CCDC178: variants seen among roughly 807,000 people sequenced by gnomAD.
CCDC178 encodes coiled-coil domain-containing protein 178.
A neutral mutation model predicts 117.4 loss-of-function variants in CCDC178; 126 were observed. That is an observed-to-expected ratio of 1.07 (90% CI 0.93 to 1.24). The LOEUF is 1.24. Among genes scored for constraint, CCDC178 ranks in the 50% most tolerant of loss-of-function variants. The probability of loss-of-function intolerance (pLI) is 0.00; values close to 1 mark genes in which losing one functional copy is unlikely to be tolerated. For missense variants in CCDC178, 1,030 were observed against 986.9 expected, an observed-to-expected ratio of 1.04 and a Z score of -0.59; for synonymous variants, 283 against 313.4, an observed-to-expected ratio of 0.90 and a Z score of 1.02.
At chr18:33,084,851 C>T (rs2057353427) in intron 21 of CCDC178, among the ~76,000 whole-genome samples, 1 of 151,858 alleles carries the variant, frequency 6.6e-6, no homozygotes, top group African/African-American at 2.4e-5. Flanking sequence ...TTAATTTCTC[C>T]AATTCATGTG....
At chr18:33,203,654 TAA>T (rs926892152) in intron 20 of CCDC178, among the ~76,000 whole-genome samples, 5 of 152,200 alleles carry the variant, frequency 3.3e-5, no homozygotes, top group Non-Finnish European at 7.4e-5. Flanking sequence ...TTTTCAAACA[TAA>T]GTCAGGACTT....
Position 32,938,325 on chromosome 18 carries a change from A to G in CCDC178, c.2524-234T>C. ...CAACTAACTTTAAGGTAGAGAGTGA[A>G]TGAGACAATTAAATTATTCTACTGC... On this transcript the variant is annotated intron_variant, in intron 22 of 22. Transcript: ENST00000383096. 4 of 424,548 alleles carry G rather than the reference A, an allele frequency of 9.4e-6. No homozygotes were observed. The South Asian group carries it at 1.8e-4, about 20-fold the overall frequency. 26.3% of individuals were successfully genotyped at this position (424,548 alleles called of 1,614,324 possible). A position where few individuals can be genotyped will look rare whatever the true frequency, so the allele number is the denominator to read the frequency against.
chr18:33,261,430 T>C (rs1040646849), intron 14 of CCDC178, among the ~76,000 whole-genome samples: 2 of 152,200 alleles, frequency 1.3e-5, no homozygotes, highest in Non-Finnish European at 2.9e-5. Context: ...CCCCCCTCTA[T>C]TGATTTACAT....
rs887247823 is a variant in CCDC178 at position 32,980,455 on chromosome 18, C to T, written c.2389-5774G>A. ...GCGCAGTGGCGGGCGCCTGTAGTCC[C>T]AGCTACTCGGGAGGCTGAAGCAGGA... On this transcript the variant is annotated intron_variant, in intron 21 of 22. Transcript: ENST00000383096. Among the ~76,000 whole-genome samples, 57 of 151,644 alleles carry T rather than the reference C, an allele frequency of 3.8e-4. No individual in the cohort carries two copies. In the East Asian group the frequency reaches 0.011, roughly 28 times the overall value.
intron 10 of CCDC178, among the ~76,000 whole-genome samples, chr18:33,331,027 T>TTTTTTTTTA (rs1491170992): frequency 1.0e-5 from 1 of 100,104 alleles, no homozygotes; most frequent in Non-Finnish European, 2.0e-5. Context: ...CAAACATTGC[T>TTTTTTTTTA]TTTTTTTTTT....
At chr18:33,200,936 T>A (rs2058983962) in intron 20 of CCDC178, among the ~76,000 whole-genome samples, 1 of 152,202 alleles carries the variant, frequency 6.6e-6, no homozygotes, top group African/African-American at 2.4e-5. Context: ...CATCGATGAA[T>A]GAATGAACAA....
rs1447482756 is a variant in CCDC178, at chr18:33,333,186, T to C, written c.867A>G (p.Lys289=). The change falls in exon 10 of 23, where the codon AAA becomes AAG. Residue 289 remains lysine, a synonymous_variant. Transcript: ENST00000383096. ...QELQDLKNHY[K]KKMEVMDLHR... The stretch of plus-strand genomic sequence containing the variant: ...TTCGTTTATTTACCTCCATTTTTTT[T>C]TTATAATGGTTCTTCAGATCTTGAA... 1 of 1,588,274 alleles carries C rather than the reference T, an allele frequency of 6.3e-7. No homozygotes were observed. The highest frequency in any genetic ancestry group is 8.6e-7 in the Non-Finnish European group (1 of 1,167,728).
At chr18:33,238,184 G>T (rs1358290803) in intron 15 of CCDC178, among the ~76,000 whole-genome samples, 1 of 152,038 alleles carries the variant, frequency 6.6e-6, no homozygotes, top group African/African-American at 2.4e-5. Flanking sequence ...CCATAAAATC[G>T]GAAGAGCCAA....
chr18:33,121,447 TA>T (rs1246243604), intron 20 of CCDC178, among the ~76,000 whole-genome samples: 1 of 152,090 alleles, frequency 6.6e-6, no homozygotes, highest in Non-Finnish European at 1.5e-5. Flanking sequence ...AAACATATAT[TA>T]ATACATAGGT....
At position 32,974,688 on chromosome 18, in the gene CCDC178, G is replaced by T. The variant is rs115131430; in HGVS notation, c.2389-7C>A. On this transcript the variant is annotated splice_polypyrimidine_tract_variant and splice_region_variant and intron_variant, in intron 21 of 22. Transcript: ENST00000383096. ...TTCTCTGCAGCTGACAGAGCTAAAG[G>T]GAAGAGGGAGGGGAGAAAACACAAG... is the stretch of plus-strand genomic sequence containing the variant. 1.9e-6 allele frequency: 3 copies of T among 1,611,674 alleles called. No individual in the cohort carries two copies. Among genetic ancestry groups the T allele is most frequent in the Non-Finnish European group, 1.7e-6 (2 of 1,179,564 alleles).
intron 21 of CCDC178, among the ~76,000 whole-genome samples, chr18:32,993,885 T>C (rs1298511583): frequency 1.3e-5 from 2 of 152,158 alleles, no homozygotes; most frequent in African/African-American, 4.8e-5. Context: ...TTCACTTCAA[T>C]TACAACAAAT....
chr18:33,296,166 T>C (rs1013219291), intron 11 of CCDC178, among the ~76,000 whole-genome samples: 3 of 151,684 alleles, frequency 2.0e-5, no homozygotes, highest in Admixed American at 2.0e-4. Flanking sequence ...TTATGCTTAA[T>C]AAAAAAAAGC....
At chr18:33,126,612 C>T (rs1488624784) in intron 20 of CCDC178, among the ~76,000 whole-genome samples, 1 of 151,700 alleles carries the variant, frequency 6.6e-6, no homozygotes, top group African/African-American at 2.4e-5. Flanking sequence ...AGTTGGTCCT[C>T]CTGTATGCGT....
chr18:33,437,037 C>T (rs2064301680), intron 2 of CCDC178, among the ~76,000 whole-genome samples: 1 of 152,144 alleles, frequency 6.6e-6, no homozygotes, highest in Non-Finnish European at 1.5e-5. Flanking sequence ...TCTGGGAGTA[C>T]AAACCGAGCA....
At chr18:33,335,442 CTTG>C (rs1453475508) in intron 9 of CCDC178, among the ~76,000 whole-genome samples, 5 of 151,960 alleles carry the variant, frequency 3.3e-5, no homozygotes, top group Non-Finnish European at 5.9e-5. Flanking sequence ...CAGACATTAT[CTTG>C]TTAAGTATTG....
chr18:33,039,716 C>T (rs915211753), intron 21 of CCDC178, among the ~76,000 whole-genome samples: 48 of 151,898 alleles, frequency 3.2e-4, no homozygotes, highest in African/African-American at 1.2e-3. Context: ...AGATGCATCT[C>T]TTGGTGAAAG....
intron 21 of CCDC178, among the ~76,000 whole-genome samples, chr18:33,063,201 C>G (rs560588089): frequency 3.9e-5 from 6 of 152,262 alleles, no homozygotes; most frequent in Non-Finnish European, 8.8e-5. Context: ...ATTGACCTAC[C>G]CTGCCTGCCA....
intron 2 of CCDC178, among the ~76,000 whole-genome samples, chr18:33,425,134 T>A (rs1203402837): frequency 6.6e-6 from 1 of 152,066 alleles, no homozygotes; most frequent in Non-Finnish European, 1.5e-5. Context: ...CAATATTTTA[T>A]CCATACAGCT....
chr18:33,303,364 A>G (rs943599264), intron 11 of CCDC178, among the ~76,000 whole-genome samples: 1 of 152,182 alleles, frequency 6.6e-6, no homozygotes, highest in African/African-American at 2.4e-5. Flanking sequence ...GTAGAGCAAA[A>G]AGGATTTTTT....
Sources: allele counts gnomAD v4.1 joint callset (sites outside exome capture counted in the v4.1 genomes callset), GRCh38; gene constraint gnomAD v4.1.1; transcripts MANE v1.5; gene names NCBI Gene and HGNC (gene_info 2026-07-23, HGNC 2026-07-21).